The following MRTFB variants were observed in gnomAD, a reference collection of about 807,000 sequenced individuals.
The protein encoded by MRTFB is myocardin related transcription factor B.
Under a neutral mutation model 104.2 loss-of-function variants are expected in MRTFB, and 29 were observed. The observed-to-expected ratio is 0.28, with a 90% CI of 0.21 to 0.38. MRTFB has a LOEUF of 0.38. Ranked by LOEUF, MRTFB falls within the 10% of genes least tolerant of loss-of-function variation. The pLI is 1.00. For synonymous variants in MRTFB, 535 were observed against 519.5 expected (o/e 1.03, Z -0.41); for missense variants, 1,270 against 1,341.6 (o/e 0.95, Z 0.83).
the MRTFB span, among the ~76,000 whole-genome samples, chr16:14,051,542 GAC>G: frequency 2.6e-5 from 4 of 151,520 alleles, no homozygotes; most frequent in Non-Finnish European, 4.4e-5. Context: ...TGGACTTAAA[GAC>G]ACACACAGAC....
At chr16:14,115,369 G>A (rs2036491100) in intron 2 of MRTFB, among the ~76,000 whole-genome samples, 3 of 152,114 alleles carry the variant, frequency 2.0e-5, no homozygotes, top group African/African-American at 7.2e-5. Flanking sequence ...GGTTTTTAAG[G>A]TAGAGTTCCA....
the MRTFB span, among the ~76,000 whole-genome samples, chr16:14,065,351 A>C: frequency 4.3e-4 from 66 of 152,176 alleles, 1 homozygote; most frequent in South Asian, 0.013. Context: ...GATCTAGGAG[A>C]TTTGGGGCTG....
intron 8 of MRTFB, among the ~76,000 whole-genome samples, chr16:14,231,368 A>G (rs1451741013): frequency 6.6e-6 from 1 of 152,198 alleles, no homozygotes; most frequent in Non-Finnish European, 1.5e-5. Context: ...AAGTTTAAGT[A>G]TCTCTTATGG....
chr16:14,223,773 A>G (rs2041859658), intron 8 of MRTFB, among the ~76,000 whole-genome samples: 1 of 152,242 alleles, frequency 6.6e-6, no homozygotes. Flanking sequence ...CCAAAAGGAA[A>G]GAGAGAAAGG....
In MRTFB at chr16:14,252,374, C is replaced by T. The variant is rs753763437; in HGVS notation, c.2575C>T (p.Pro859Ser). The T allele has an allele frequency of 6.2e-7, 1 of 1,612,442 alleles. No homozygotes were observed. Among genetic ancestry groups the T allele is most frequent in the South Asian group, 1.1e-5 (1 of 90,746 alleles). ...GPNTPNKPSS[P>S]PPPQQFVVQH... ...CCTTTATTTGACACAGCCTAGTTCA[C>T]CCCCGCCACCCCAGCAATTTGTCGT... The change falls in exon 15 of 17, where the codon CCC becomes TCC. Residue 859 changes from proline to serine, a missense_variant. Pro to Ser is a moderately conservative substitution (Grantham distance 74). Coordinates refer to ENST00000571589, the MANE Select transcript of MRTFB (RefSeq NM_001308142.2).
intron 3 of MRTFB, among the ~76,000 whole-genome samples, chr16:14,192,415 C>A (rs560629583): frequency 6.6e-6 from 1 of 151,954 alleles, no homozygotes; most frequent in Non-Finnish European, 1.5e-5. Context: ...GGTTCTTATA[C>A]AATAGGAATG....
chr16:14,110,009 A>G (rs1477843514), intron 2 of MRTFB, among the ~76,000 whole-genome samples: 1 of 152,238 alleles, frequency 6.6e-6, no homozygotes, highest in Non-Finnish European at 1.5e-5. Flanking sequence ...AAGGGTCAAT[A>G]TGGTTTGCCC....
chr16:14,240,665 C>T, intron 10 of MRTFB, 181 bp downstream of exon 10: 1 of 1,045,178 alleles, frequency 9.6e-7, no homozygotes, highest in South Asian at 1.3e-5. Flanking sequence ...GCCTGCATTC[C>T]ATTCCAGTTT....
the MRTFB span, among the ~76,000 whole-genome samples, chr16:14,012,299 C>T: frequency 0.15 from 15,591 of 104,088 alleles, 1,889 homozygotes; most frequent in African/African-American, 0.35. Flanking sequence ...TTCTTTCTTT[C>T]TTTTTTTTTT....
chr16:14,079,900 G>T (rs1038304145), intron 2 of MRTFB, among the ~76,000 whole-genome samples: 1 of 151,742 alleles, frequency 6.6e-6, no homozygotes, highest in Non-Finnish European at 1.5e-5. Flanking sequence ...GGATATAGAA[G>T]AATTTATATA....
chr16:14,193,997 A>AGT (rs2040315332), intron 3 of MRTFB, among the ~76,000 whole-genome samples: 1 of 152,184 alleles, frequency 6.6e-6, no homozygotes, highest in Non-Finnish European at 1.5e-5. Flanking sequence ...ACCCATCCTA[A>AGT]GTGAAGGAGC....
At position 14,149,822 on chromosome 16, in the gene MRTFB, G is replaced by A. The variant is rs188790511; in HGVS notation, c.154+9062G>A. Among the ~76,000 whole-genome samples the A allele has an allele frequency of 3.3e-5, 5 of 152,196 alleles. No homozygotes were observed. In the East Asian group the frequency reaches 9.6e-4, roughly 29 times the overall value. ...AAAAATGATTGGAGATGATTCTTGT[G>A]GATAACTGAAAAAGAAGAACCTAGT... On this transcript the variant is annotated intron_variant, in intron 3 of 16. Transcript: ENST00000571589.
chr16:14,006,164 GA>G, the MRTFB span, among the ~76,000 whole-genome samples: 1 of 152,160 alleles, frequency 6.6e-6, no homozygotes, highest in African/African-American at 2.4e-5. Flanking sequence ...CCAACATGAT[GA>G]AAACTTGTCT....
At chr16:14,086,811 ATTAT>A (rs1358278312) in intron 2 of MRTFB, among the ~76,000 whole-genome samples, 23 of 152,286 alleles carry the variant, frequency 1.5e-4, no homozygotes, top group Admixed American at 1.5e-3. Flanking sequence ...TTAAGGCTTT[ATTAT>A]TTATTTATCC....
chr16:14,145,507 C>A (rs1033466085), intron 3 of MRTFB, among the ~76,000 whole-genome samples: 6 of 152,064 alleles, frequency 3.9e-5, no homozygotes, highest in African/African-American at 7.2e-5. Context: ...GATAGTGGAG[C>A]GGCAGGATAT....
chr16:14,125,545 G>GC (rs1463626489), intron 2 of MRTFB, among the ~76,000 whole-genome samples: 1 of 152,228 alleles, frequency 6.6e-6, no homozygotes, highest in African/African-American at 2.4e-5. Flanking sequence ...CTCTTCTCTA[G>GC]CAAGCACCTC....
At chr16:14,143,531 T>A (rs1396318949) in intron 3 of MRTFB, 1 of 150,738 alleles carries the variant, frequency 6.6e-6, no homozygotes, top group Non-Finnish European at 1.5e-5. Flanking sequence ...TTTTTTATAC[T>A]TTAAGTTTTA....
chr16:14,045,705 T>TA, the MRTFB span, among the ~76,000 whole-genome samples: 1 of 152,228 alleles, frequency 6.6e-6, no homozygotes, highest in African/African-American at 2.4e-5. Context: ...TCTGCTCCAC[T>TA]GTAAAATGGA....
At chr16:14,036,865 A>G in the MRTFB span, among the ~76,000 whole-genome samples, 3 of 151,968 alleles carry the variant, frequency 2.0e-5, no homozygotes, top group African/African-American at 4.8e-5. Context: ...AACCCCAAAC[A>G]CGCTCCAGAG....
Sources: gnomAD v4.1 joint callset for allele counts (sites outside exome capture counted in the v4.1 genomes callset) on GRCh38, gnomAD v4.1.1 for gene constraint, MANE v1.5 for transcripts, NCBI Gene and HGNC (gene_info 2026-07-23, HGNC 2026-07-21) for gene names.